LEPR: variants seen among roughly 807,000 people sequenced by gnomAD.
The protein encoded by LEPR is OB receptor.
LEPR carries 56 observed loss-of-function variants against 114.7 expected under a neutral mutation model. The observed-to-expected ratio is 0.49, with a 90% confidence interval of 0.39 to 0.61. The LOEUF (loss-of-function observed/expected upper bound fraction) is 0.61. LEPR is among the 20% of genes least tolerant of loss of function. The pLI, the probability that LEPR is intolerant of heterozygous loss-of-function variation, is 0.00. For synonymous variants in LEPR, 443 were observed against 461.4 expected, an observed-to-expected ratio of 0.96 and a Z score of 0.51; for missense variants, 1,202 against 1,352.9, an observed-to-expected ratio of 0.89 and a Z score of 1.75.
intron 2 of LEPR, among the ~76,000 whole-genome samples, chr1:65,428,382 C>T (rs1371879390): frequency 6.6e-6 from 1 of 152,202 alleles, no homozygotes; most frequent in East Asian, 1.9e-4. Context: ...TTCCAAACCC[C>T]TTCCCCTCTC....
chr1:65,557,021 C>T (rs1406770106), intron 2 of LEPR, among the ~76,000 whole-genome samples: 1 of 152,082 alleles, frequency 6.6e-6, no homozygotes, highest in African/African-American at 2.4e-5. Flanking sequence ...AAGTAGAGAG[C>T]CTCTTCTGAT....
intron 2 of LEPR, among the ~76,000 whole-genome samples, chr1:65,475,588 T>A (rs1201087634): frequency 6.6e-6 from 1 of 151,812 alleles, no homozygotes. Context: ...CTTTAAAACA[T>A]TCTAATAAAA....
At chr1:65,602,448 G>A (rs559106729) in intron 10 of LEPR, among the ~76,000 whole-genome samples, 6 of 152,056 alleles carry the variant, frequency 3.9e-5, no homozygotes, top group African/African-American at 1.4e-4. Flanking sequence ...AAAGGGTAAT[G>A]TGTTCTAATG....
chr1:65,518,916 T>TCTTC (rs1649462074), intron 2 of LEPR, among the ~76,000 whole-genome samples: 3 of 69,912 alleles, frequency 4.3e-5, no homozygotes, highest in Non-Finnish European at 1.2e-4. Flanking sequence ...TTTCTTTCTT[T>TCTTC]CTCTCTTTCT....
At position 65,629,926 on chromosome 1, in the gene LEPR, C is replaced by T. The variant is rs979372616; in HGVS notation, c.2674-6265C>T. ...ACTGGTTTCTGGTTAGTACTGTTTC[C>T]TGGATTCCTTTCCTTCATCTTTCTT... On this transcript the variant is annotated intron_variant, in intron 19 of 19. Coordinates refer to ENST00000349533, the MANE Select transcript of LEPR (RefSeq NM_002303.6). 7.9e-5 allele frequency among the ~76,000 whole-genome samples: 12 copies of T among 152,188 alleles called. No homozygotes were observed. The South Asian group carries it at 1.9e-3, about 24-fold the overall frequency.
intron 2 of LEPR, among the ~76,000 whole-genome samples, chr1:65,480,628 G>A (rs1171757842): frequency 6.6e-6 from 1 of 152,082 alleles, no homozygotes; most frequent in Non-Finnish European, 1.5e-5. Flanking sequence ...AAATTTATAG[G>A]TTTGAGTAGA....
chr1:65,608,684 AAC>A, intron 11 of LEPR, 67 bp from the exon 12 acceptor site: 1 of 1,506,186 alleles, frequency 6.6e-7, no homozygotes, highest in Non-Finnish European at 9.1e-7. Context: ...ATGAAAATAT[AAC>A]ACAATGTTTT....
intron 5 of LEPR, among the ~76,000 whole-genome samples, chr1:65,584,138 G>C (rs1655172800): frequency 6.6e-6 from 1 of 151,948 alleles, no homozygotes; most frequent in Non-Finnish European, 1.5e-5. Context: ...GGCTACAAAA[G>C]TTACATCATT....
chr1:65,487,942 C>CTCCT (rs1173036530), intron 2 of LEPR, among the ~76,000 whole-genome samples: 1 of 138,744 alleles, frequency 7.2e-6, no homozygotes, highest in Non-Finnish European at 1.6e-5. Flanking sequence ...TTCTTTTGCT[C>CTCCT]TCCTTCCTTC....
chr1:65,581,861 C>A (rs1190718344), intron 5 of LEPR, among the ~76,000 whole-genome samples: 1 of 152,220 alleles, frequency 6.6e-6, no homozygotes, highest in Non-Finnish European at 1.5e-5. Context: ...TTCCACATAA[C>A]TACAGATGGT....
chr1:65,617,376 C>G (rs1464204671), intron 15 of LEPR, among the ~76,000 whole-genome samples: 1 of 152,096 alleles, frequency 6.6e-6, no homozygotes, highest in Non-Finnish European at 1.5e-5. Flanking sequence ...TAAACTTCCC[C>G]AAAAGATGTA....
At chr1:65,572,304 T>C in intron 4 of LEPR, 22 bp from the exon 5 acceptor site, 1 of 1,442,882 alleles carries the variant, frequency 6.9e-7, no homozygotes, top group Non-Finnish European at 9.1e-7. Flanking sequence ...TTTTTTTTTT[T>C]TTTTTTTTTT....
In LEPR at chr1:65,425,033, CT is replaced by C. The variant is rs538402774; in HGVS notation, c.-96-263del. On this transcript the variant is annotated intron_variant, in intron 1 of 19. Transcript: ENST00000349533. The stretch of plus-strand genomic sequence containing the variant: ...TGCTACATTTGCTTGAATTTGGGAC[CT>C]TTTTTTCTTTCTTTTTTATTTTAGT... Among the ~76,000 whole-genome samples, 178 of 152,226 alleles carry C rather than the reference CT, an allele frequency of 1.2e-3. 2 individuals carry two copies. Among genetic ancestry groups the C allele is most frequent in the African/African-American group, 3.5e-3 (146 of 41,550 alleles).
rs758977403 is a variant in LEPR, at chr1:65,553,423, C to CT, written c.-20-12114dup. 1.9e-3 allele frequency among the ~76,000 whole-genome samples: 286 copies of CT among 151,240 alleles called. 1 individual carries two copies. Among genetic ancestry groups the CT allele is most frequent in the Non-Finnish European group, 3.5e-3 (238 of 67,768 alleles). ...GAGGCTTAGTTCATTTCTTTGCATT[C>CT]TTTTTTTTTAATCTTGTCTTCATGC... On this transcript the variant is annotated intron_variant, in intron 2 of 19. Coordinates refer to ENST00000349533, the MANE Select transcript of LEPR (RefSeq NM_002303.6).
chr1:65,548,775 G>A (rs1341548104), intron 2 of LEPR, among the ~76,000 whole-genome samples: 1 of 151,772 alleles, frequency 6.6e-6, no homozygotes, highest in Non-Finnish European at 1.5e-5. Flanking sequence ...TTTCCAGTCT[G>A]TGTCTTTTAA....
At chr1:65,496,370 C>T (rs768271448) in intron 2 of LEPR, among the ~76,000 whole-genome samples, 6 of 151,954 alleles carry the variant, frequency 3.9e-5, no homozygotes, top group Admixed American at 1.3e-4. Context: ...CTGAGGAGTT[C>T]GAGACCAGCC....
intron 2 of LEPR, among the ~76,000 whole-genome samples, chr1:65,426,172 C>T (rs575003739): frequency 2.6e-5 from 4 of 152,116 alleles, no homozygotes; most frequent in Admixed American, 1.3e-4. Context: ...GCAAGCAGGC[C>T]ATACAGATCT....
rs1178053117 is a variant in LEPR at position 65,640,496 on chromosome 1, A to G, written c.*3481A>G. On this transcript the variant is annotated 3_prime_UTR_variant, in exon 20 of 20. Transcript: ENST00000349533. ...CCACTCTACTATGACTGAAAGAAGC[A>G]GCATTCAAGAAAAAATTTAAACATA... 1.3e-5 allele frequency: 2 copies of G among 152,220 alleles called. No homozygotes were observed. The highest frequency in any genetic ancestry group is 1.9e-4 in the East Asian group (1 of 5,198). The allele number at this position is 152,220 out of a possible 1,614,324, so 9.4% of individuals were successfully genotyped here. A position where few individuals can be genotyped will look rare whatever the true frequency, so the allele number is the denominator to read the frequency against.
At chr1:65,514,305 A>C (rs1649176093) in intron 2 of LEPR, among the ~76,000 whole-genome samples, 1 of 152,242 alleles carries the variant, frequency 6.6e-6, no homozygotes, top group Non-Finnish European at 1.5e-5. Context: ...AGTCTAAATG[A>C]GTTACACGTT....
Sources: allele counts gnomAD v4.1 joint callset (sites outside exome capture counted in the v4.1 genomes callset), GRCh38; gene constraint gnomAD v4.1.1; transcripts MANE v1.5; gene names NCBI Gene and HGNC (gene_info 2026-07-23, HGNC 2026-07-21).